The following NINJ2 variants were observed in gnomAD, a reference collection of about 807,000 sequenced individuals.
The protein encoded by NINJ2 is ninjurin 2.
In NINJ2, 12 loss-of-function variants were observed where a neutral mutation model predicts 11.7. The observed-to-expected ratio is 1.02, with a 90% CI of 0.66 to 1.66. NINJ2 has a LOEUF of 1.66. Among genes scored for constraint, NINJ2 ranks in the 40% most tolerant of loss-of-function variants. NINJ2 has a pLI of 0.00. For missense variants in NINJ2, 187 were observed against 181.8 expected, an observed-to-expected ratio of 1.03 and a Z score of -0.16; for synonymous variants, 93 against 76.8, an observed-to-expected ratio of 1.21 and a Z score of -1.10.
intron 1 of NINJ2, among the ~76,000 whole-genome samples, chr12:572,541 A>G (rs890162887): frequency 6.6e-6 from 1 of 152,234 alleles, no homozygotes; most frequent in Admixed American, 6.5e-5. Context: ...TTAATTCGGT[A>G]TCAGTCCTCT....
intron 1 of NINJ2, among the ~76,000 whole-genome samples, chr12:656,700 G>T (rs1295933576): frequency 6.6e-6 from 1 of 151,002 alleles, no homozygotes; most frequent in African/African-American, 2.4e-5. Flanking sequence ...AGTGAGCCGA[G>T]ATTGCGCCAC....
intron 1 of NINJ2, among the ~76,000 whole-genome samples, chr12:597,994 G>A (rs1190868520): frequency 6.6e-6 from 1 of 152,188 alleles, no homozygotes; most frequent in Non-Finnish European, 1.5e-5. Flanking sequence ...TGTAGCTCTG[G>A]GCTAATTTAT....
chr12:609,771 A>C (rs1948002220), intron 1 of NINJ2, among the ~76,000 whole-genome samples: 1 of 37,702 alleles, frequency 2.7e-5, no homozygotes. Flanking sequence ...ACTCTGCCTC[A>C]AAAAAAAAAA....
At chr12:649,529 G>GTTTATATATATATATATATA (rs1257393720) in intron 1 of NINJ2, among the ~76,000 whole-genome samples, 1 of 19,460 alleles carries the variant, frequency 5.1e-5, no homozygotes, top group Non-Finnish European at 1.9e-4. Flanking sequence ...GTGTGTATAT[G>GTTTATATATATATATATATA]TGTATATATA....
At chr12:603,824 C>A (rs1481161873) in intron 1 of NINJ2, among the ~76,000 whole-genome samples, 1 of 152,104 alleles carries the variant, frequency 6.6e-6, no homozygotes, top group Non-Finnish European at 1.5e-5. Context: ...TCACACCTGG[C>A]TAATTTTTGT....
chr12:656,865 T>C (rs1396985668), intron 1 of NINJ2, among the ~76,000 whole-genome samples: 1 of 152,078 alleles, frequency 6.6e-6, no homozygotes, highest in Non-Finnish European at 1.5e-5. Flanking sequence ...ACCCAACTGA[T>C]CTTTGATAAA....
Position 633,934 on chromosome 12 carries a change from C to T in NINJ2, c.33+29394G>A, listed in dbSNP as rs1231509499. Among the ~76,000 whole-genome samples the T allele has an allele frequency of 6.6e-6, 1 of 152,138 alleles. No homozygotes were observed. On this transcript the variant is annotated intron_variant, in intron 1 of 3. Coordinates refer to ENST00000305108, the MANE Select transcript of NINJ2 (RefSeq NM_016533.6). The surrounding 1 kb of genome is among the most constrained non-coding windows in gnomAD (Gnocchi z 4.3). Reference sequence around the variant, plus strand: ...CCCCACCTATCCAGTTGTGCTTTCCCCCACACACACCGTCTGATCTGGTCA... The same window carrying T: ...CCCCACCTATCCAGTTGTGCTTTCCTCCACACACACCGTCTGATCTGGTCA...
intron 1 of NINJ2, chr12:610,410 A>G: frequency 6.5e-7 from 1 of 1,535,560 alleles, no homozygotes; most frequent in Non-Finnish European, 8.7e-7. Flanking sequence ...CCCACCAAGC[A>G]ATTACTGGAG....
chr12:612,197 G>C (rs945364381), intron 1 of NINJ2, among the ~76,000 whole-genome samples: 1 of 152,202 alleles, frequency 6.6e-6, no homozygotes, highest in Non-Finnish European at 1.5e-5. Flanking sequence ...TCCCTGGACT[G>C]TCTGCACGCA....
chr12:632,252 G>GT (rs1948293436), intron 1 of NINJ2: 1 of 152,228 alleles, frequency 6.6e-6, no homozygotes, highest in African/African-American at 2.4e-5. Context: ...ACGCTGGTAA[G>GT]TAGAATCAGA....
chr12:590,275 G>T (rs958872659), intron 1 of NINJ2, among the ~76,000 whole-genome samples: 1 of 152,086 alleles, frequency 6.6e-6, no homozygotes, highest in South Asian at 2.1e-4. Flanking sequence ...GGAGAGCCAC[G>T]CGCGGGAGCC....
intron 1 of NINJ2, among the ~76,000 whole-genome samples, chr12:611,263 T>TTCTTTCTTTCTCTCTC (rs1948029105): frequency 1.6e-5 from 2 of 126,348 alleles, no homozygotes; most frequent in African/African-American, 5.6e-5. Context: ...CTCTCTTTCT[T>TTCTTTCTTTCTCTCTC]TCTTTCTTTC....
chr12:609,750 A>C (rs1244356885), intron 1 of NINJ2, among the ~76,000 whole-genome samples: 1 of 138,080 alleles, frequency 7.2e-6, no homozygotes, highest in Non-Finnish European at 1.5e-5. Flanking sequence ...CAGCCTGGGC[A>C]ACAGAGTGAG....
At chr12:567,835 G>A (rs760631090) in intron 1 of NINJ2, among the ~76,000 whole-genome samples, 23 of 152,088 alleles carry the variant, frequency 1.5e-4, no homozygotes, top group African/African-American at 5.1e-4. Flanking sequence ...GCAAAATCCC[G>A]TCTCTACTAA....
At chr12:637,392 A>G (rs888616430) in intron 1 of NINJ2, among the ~76,000 whole-genome samples, 3 of 151,180 alleles carry the variant, frequency 2.0e-5, no homozygotes, top group Non-Finnish European at 4.4e-5. Flanking sequence ...TTGTAATCCC[A>G]GCACTTTGGG....
Position 591,555 on chromosome 12 carries a change from G to C in NINJ2, c.34-25377C>G, listed in dbSNP as rs1947715071. Among the ~76,000 whole-genome samples, 1 of 152,158 alleles carries C rather than the reference G, an allele frequency of 6.6e-6. No homozygotes were observed. Among genetic ancestry groups the C allele is most frequent in the Non-Finnish European group, 1.5e-5 (1 of 68,034 alleles). ...CAACTCTGATTGCAGAAGCTCTCTG[G>C]ATGGGCAGTGCTAGCGGAGTTCCAT... On this transcript the variant is annotated intron_variant, in intron 1 of 3. Coordinates refer to ENST00000305108, the MANE Select transcript of NINJ2 (RefSeq NM_016533.6). This position sits in a 1 kb window ranked among gnomAD's most constrained non-coding sequence, Gnocchi z 5.0.
chr12:646,979 C>A (rs1450465366), intron 1 of NINJ2, among the ~76,000 whole-genome samples: 1 of 152,212 alleles, frequency 6.6e-6, no homozygotes, highest in Non-Finnish European at 1.5e-5. Flanking sequence ...ATACTGGGAG[C>A]TCTTTCACAG....
intron 1 of NINJ2, among the ~76,000 whole-genome samples, chr12:599,788 T>C (rs2120900585): frequency 6.6e-6 from 1 of 152,328 alleles, no homozygotes; most frequent in South Asian, 2.1e-4. Flanking sequence ...CTCAGCTTGG[T>C]TGGACCTGCA....
At chr12:632,885 G>A (rs1458356235) in intron 1 of NINJ2, among the ~76,000 whole-genome samples, 1 of 152,236 alleles carries the variant, frequency 6.6e-6, no homozygotes, top group East Asian at 1.9e-4. Context: ...TCGCACCACA[G>A]TGAAGCAAGC....
Sources: gnomAD v4.1 joint callset for allele counts (sites outside exome capture counted in the v4.1 genomes callset) on GRCh38, gnomAD v4.1.1 for gene constraint, Gnocchi (gnomAD v3.1) non-coding constraint, MANE v1.5 for transcripts, NCBI Gene and HGNC (gene_info 2026-07-23, HGNC 2026-07-21) for gene names.